NEK11: variants seen among roughly 807,000 people sequenced by gnomAD.
NEK11 encodes NIMA related kinase 11.
Under a neutral mutation model 80.7 loss-of-function variants are expected in NEK11, and 72 were observed. The observed-to-expected ratio is 0.89, with a 90% CI of 0.74 to 1.08. NEK11 has a LOEUF of 1.08. NEK11 is among the 50% of genes least tolerant of loss of function. The pLI is 0.00. For missense variants in NEK11, 764 were observed against 763.6 expected, an observed-to-expected ratio of 1.00 and a Z score of -0.01; for synonymous variants, 251 against 260.7, an observed-to-expected ratio of 0.96 and a Z score of 0.36.
At chr3:131,184,648 A>G in intron 14 of NEK11, 1 of 482,224 alleles carries the variant, frequency 2.1e-6, no homozygotes, top group Admixed American at 4.8e-5. Context: ...CCAGGAGAGG[A>G]TAAGTTGTGT....
chr3:131,164,466 C>T (rs2092001923), intron 11 of NEK11, among the ~76,000 whole-genome samples: 3 of 152,086 alleles, frequency 2.0e-5, no homozygotes, highest in South Asian at 2.1e-4. Context: ...CAAATCTGTT[C>T]GTAATACCTC....
chr3:131,342,017 A>T (rs1341350695), intron 17 of NEK11, among the ~76,000 whole-genome samples: 1 of 152,234 alleles, frequency 6.6e-6, no homozygotes, highest in Non-Finnish European at 1.5e-5. Flanking sequence ...TCCTTTTAGA[A>T]ATGGTTTTTA....
intron 3 of NEK11, among the ~76,000 whole-genome samples, chr3:131,068,600 G>A (rs2072522520): frequency 6.6e-6 from 1 of 152,064 alleles, no homozygotes; most frequent in South Asian, 2.1e-4. Context: ...TGTCTCTGCT[G>A]CAGAGCTCCT....
chr3:131,131,567 CT>C (rs1360393123), intron 5 of NEK11, among the ~76,000 whole-genome samples: 1 of 152,078 alleles, frequency 6.6e-6, no homozygotes, highest in Admixed American at 6.6e-5. Context: ...GTGACGCCCT[CT>C]CTTTCATTTT....
chr3:131,120,656 T>A (rs1380464823), intron 5 of NEK11, among the ~76,000 whole-genome samples: 1 of 152,208 alleles, frequency 6.6e-6, no homozygotes, highest in East Asian at 1.9e-4. Flanking sequence ...CTCCTATATT[T>A]CTTGGAGTCT....
intron 2 of NEK11, among the ~76,000 whole-genome samples, chr3:131,028,268 T>C (rs527824803): frequency 1.4e-4 from 21 of 152,166 alleles, no homozygotes; most frequent in Non-Finnish European, 3.1e-4. Context: ...TTTTGAGGAT[T>C]TTTGTGGTTA....
chr3:131,328,331 G>A (rs2097011587), intron 17 of NEK11: 2 of 149,258 alleles, frequency 1.3e-5, no homozygotes, highest in South Asian at 2.1e-4. Context: ...TGCTGAATGT[G>A]TCATGACAGG....
chr3:131,220,557 C>T (rs943704866), intron 14 of NEK11, among the ~76,000 whole-genome samples: 7 of 152,074 alleles, frequency 4.6e-5, no homozygotes, highest in African/African-American at 1.7e-4. Context: ...CTTATTAGAG[C>T]CTTATAATAG....
intron 17 of NEK11, among the ~76,000 whole-genome samples, chr3:131,338,203 G>A (rs2097220570): frequency 6.7e-6 from 1 of 149,780 alleles, no homozygotes; most frequent in African/African-American, 2.5e-5. Context: ...CTGCCCTCGT[G>A]ATCCACTGGC....
At chr3:131,348,203 C>CA in intron 17 of NEK11, among the ~76,000 whole-genome samples, 1 of 152,124 alleles carries the variant, frequency 6.6e-6, no homozygotes. Context: ...AAATATTCCC[C>CA]TAAAATGTAA....
chr3:131,255,079 G>GGAAGGAAAGAAAGAAA (rs754645626), intron 16 of NEK11, among the ~76,000 whole-genome samples: 2 of 119,186 alleles, frequency 1.7e-5, no homozygotes, highest in African/African-American at 6.5e-5. Flanking sequence ...ACAGAAAGAA[G>GGAAGGAAAGAAAGAAA]GAAAGAAAGA....
chr3:131,103,157 T>C (rs2078656812), intron 4 of NEK11, among the ~76,000 whole-genome samples: 1 of 152,224 alleles, frequency 6.6e-6, no homozygotes, highest in Non-Finnish European at 1.5e-5. Flanking sequence ...CCACATTCTA[T>C]GTCTGTCATT....
At chr3:131,294,272 T>C (rs1215349172) in intron 17 of NEK11, among the ~76,000 whole-genome samples, 1 of 152,124 alleles carries the variant, frequency 6.6e-6, no homozygotes, top group Non-Finnish European at 1.5e-5. Context: ...TTTTCATTTC[T>C]ATTTAGTTCA....
At chr3:131,283,242 A>C (rs893013269) in intron 17 of NEK11, among the ~76,000 whole-genome samples, 1 of 152,186 alleles carries the variant, frequency 6.6e-6, no homozygotes, top group African/African-American at 2.4e-5. Context: ...AACTCTAAAG[A>C]AGCCTCTTAA....
intron 14 of NEK11, chr3:131,184,917 T>C (rs1369410843): frequency 3.6e-6 from 1 of 280,796 alleles, no homozygotes; most frequent in East Asian, 5.7e-5. Context: ...TAGAATAGTA[T>C]TTAATTTAAT....
chr3:131,125,127 G>C (rs2083089443), intron 5 of NEK11, among the ~76,000 whole-genome samples: 1 of 152,142 alleles, frequency 6.6e-6, no homozygotes, highest in African/African-American at 2.4e-5. Flanking sequence ...AAGATTATTT[G>C]AATTAGGGGA....
At chr3:131,121,804 C>T (rs1056165322) in intron 5 of NEK11, among the ~76,000 whole-genome samples, 10 of 152,196 alleles carry the variant, frequency 6.6e-5, no homozygotes, top group Admixed American at 5.2e-4. Flanking sequence ...GATATAATCT[C>T]CTGGTGTGCC....
Position 131,343,998 on chromosome 3 carries a change from C to T in NEK11, c.1719-5559C>T, listed in dbSNP as rs112212017. On this transcript the variant is annotated intron_variant, in intron 17 of 17. Coordinates refer to ENST00000383366, the MANE Select transcript of NEK11 (RefSeq NM_024800.5). ...CTCTAGCAGGTGGTTGCTCCATAGC[C>T]TGCTTGAATTTCTCTCCCCCAAAAA... Among the ~76,000 whole-genome samples, 182 of 152,340 alleles carry T rather than the reference C, an allele frequency of 1.2e-3. 1 individual carries two copies. Among genetic ancestry groups the T allele is most frequent in the African/African-American group, 4.1e-3 (170 of 41,574 alleles).
intron 14 of NEK11, among the ~76,000 whole-genome samples, chr3:131,173,150 C>T (rs1049271556): frequency 6.6e-6 from 1 of 152,208 alleles, no homozygotes; most frequent in African/African-American, 2.4e-5. Flanking sequence ...TCGAGCAGCT[C>T]ATGCCACTGC....
Sources: gnomAD v4.1 joint callset for allele counts (sites outside exome capture counted in the v4.1 genomes callset) on GRCh38, gnomAD v4.1.1 for gene constraint, MANE v1.5 for transcripts, NCBI Gene and HGNC (gene_info 2026-07-23, HGNC 2026-07-21) for gene names.